The following MARK3 variants were observed in gnomAD, a reference collection of about 807,000 sequenced individuals.
MARK3 encodes microtubule affinity regulating kinase 3, also known as MAP/microtubule affinity-regulating kinase 3.
MARK3 carries 46 observed loss-of-function variants against 90.1 expected under a neutral mutation model. That is an observed-to-expected ratio of 0.51 (90% CI 0.40 to 0.65). The LOEUF (loss-of-function observed/expected upper bound fraction) is 0.65. Among genes scored for constraint, MARK3 ranks in the 30% least tolerant of loss-of-function variants. The pLI, the probability that MARK3 is intolerant of heterozygous loss-of-function variation, is 0.00. For synonymous variants in MARK3, 321 were observed against 332.6 expected, an observed-to-expected ratio of 0.97 and a Z score of 0.38; for missense variants, 818 against 947.2, an observed-to-expected ratio of 0.86 and a Z score of 1.79.
chr14:103,398,993 A>T (rs1288491546), intron 1 of MARK3, among the ~76,000 whole-genome samples: 1 of 152,168 alleles, frequency 6.6e-6, no homozygotes, highest in Admixed American at 6.6e-5. Context: ...ACATAGTGTA[A>T]AGTTGTTGCT....
chr14:103,438,151 C>T (rs1005818394), intron 3 of MARK3, among the ~76,000 whole-genome samples: 1 of 152,138 alleles, frequency 6.6e-6, no homozygotes, highest in African/African-American at 2.4e-5. Flanking sequence ...CAGGCACCCG[C>T]CACCACGCCC....
chr14:103,474,183 C>T (rs1190478842), intron 12 of MARK3, among the ~76,000 whole-genome samples: 2 of 152,100 alleles, frequency 1.3e-5, no homozygotes, highest in Non-Finnish European at 2.9e-5. Context: ...CCAGCCTGGG[C>T]GAGAGAGCTA....
chr14:103,450,925 T>G (rs1166060856), intron 4 of MARK3, among the ~76,000 whole-genome samples: 3 of 13,004 alleles, frequency 2.3e-4, no homozygotes, highest in African/African-American at 2.2e-3. Context: ...TGTATTCTTT[T>G]TTTTTTTTTT....
chr14:103,405,337 GAAT>G, intron 2 of MARK3, 70 bp downstream of exon 2: 1 of 1,248,282 alleles, frequency 8.0e-7, no homozygotes, highest in Non-Finnish European at 1.1e-6. Flanking sequence ...AGAAAGAAAA[GAAT>G]ATAGATATAG....
At chr14:103,422,979 G>A (rs1229622761) in intron 2 of MARK3, among the ~76,000 whole-genome samples, 1 of 152,132 alleles carries the variant, frequency 6.6e-6, no homozygotes, top group Non-Finnish European at 1.5e-5. Flanking sequence ...GATAGGGTTA[G>A]TGTTATTACA....
In MARK3 at chr14:103,475,178, C is replaced by T. The variant is rs1322995604; in HGVS notation, c.1450C>T (p.Pro484Ser). Reference sequence around the variant, plus strand: ...AAGTAATCCTAATAAGGCGGATATTCCTGAACGCAAGAAAAGCTCCACTGT... The same window carrying T: ...AAGTAATCCTAATAAGGCGGATATTTCTGAACGCAAGAAAAGCTCCACTGT... ...NASNPNKADI[P>S]ERKKSSTVPS... The change falls in exon 13 of 18, where the codon CCT becomes TCT. Residue 484 changes from proline to serine, a missense_variant. Coordinates refer to ENST00000429436, the MANE Select transcript of MARK3 (RefSeq NM_001128918.3). 18 of 1,613,594 alleles carry T rather than the reference C, an allele frequency of 1.1e-5. No homozygotes were observed. The highest frequency in any genetic ancestry group is 1.3e-5 in the African/African-American group (1 of 74,890).
In MARK3 at chr14:103,401,155, A is replaced by G. The variant is rs553274821; in HGVS notation, c.52-3921A>G. 7.0e-4 allele frequency among the ~76,000 whole-genome samples: 106 copies of G among 152,216 alleles called. 1 individual carries two copies. Among genetic ancestry groups the G allele is most frequent in the Admixed American group, 2.9e-3 (44 of 15,268 alleles). On this transcript the variant is annotated intron_variant, in intron 1 of 17. Coordinates refer to ENST00000429436, the MANE Select transcript of MARK3 (RefSeq NM_001128918.3). ...GTCGGTGATGGATTCTTGGGAAAAT[A>G]AAATGAAGGGCAAATGGAAGCAAAA...
chr14:103,498,173 C>A (rs1013647497), intron 15 of MARK3, among the ~76,000 whole-genome samples: 1 of 150,940 alleles, frequency 6.6e-6, no homozygotes, highest in Non-Finnish European at 1.5e-5. Flanking sequence ...GCTGAGATTG[C>A]ACCACTGCAC....
chr14:103,404,115 A>G (rs1006009229), intron 1 of MARK3, among the ~76,000 whole-genome samples: 6 of 152,352 alleles, frequency 3.9e-5, no homozygotes, highest in Middle Eastern at 3.4e-3. Flanking sequence ...TTTAAAGCTT[A>G]CTTTCACTTT....
intron 13 of MARK3, among the ~76,000 whole-genome samples, chr14:103,478,348 C>G (rs1270907635): frequency 6.6e-6 from 1 of 151,172 alleles, no homozygotes; most frequent in East Asian, 1.9e-4. Flanking sequence ...CTTTCCATTC[C>G]TCCTCTCCCC....
Position 103,502,922 on chromosome 14 carries a change from GC to G in MARK3, c.1958del (p.Ala653GlufsTer12), listed in dbSNP as rs1442361952. The G allele has an allele frequency of 6.2e-7, 1 of 1,613,604 alleles. No individual in the cohort carries two copies. Among genetic ancestry groups the G allele is most frequent in the Non-Finnish European group, 8.5e-7 (1 of 1,179,628 alleles). On this transcript the variant is annotated frameshift_variant, in exon 18 of 18. Coordinates refer to ENST00000429436, the MANE Select transcript of MARK3 (RefSeq NM_001128918.3). LOFTEE classifies it high-confidence loss of function. The part of the protein sequence containing the change: ...SAEQKDENKE[A>X]KPRSLRFTWS... ...TGAGCAAAAAGATGAAAACAAAGAA[GC>G]AAAGCCTCGATCCCTACGCTTCACC...
chr14:103,401,260 G>T, intron 1 of MARK3, among the ~76,000 whole-genome samples: 1 of 152,126 alleles, frequency 6.6e-6, no homozygotes, highest in East Asian at 1.9e-4. Context: ...ACTTCGTCAA[G>T]AAACATCGAA....
intron 3 of MARK3, among the ~76,000 whole-genome samples, chr14:103,434,381 G>A (rs2092666053): frequency 6.6e-6 from 1 of 152,214 alleles, no homozygotes; most frequent in Non-Finnish European, 1.5e-5. Flanking sequence ...AAAGCAGGGA[G>A]TGCAAGTTAC....
chr14:103,468,077 T>G lies in MARK3; in HGVS notation c.1155T>G (p.Ala385=). The part of the protein sequence containing the change: ...DSSSSSNLSL[A]KVRPSSDLNN... ...GTTCTAGCAGCAATCTTTCACTTGCTAAGGTTAGGCCGAGCAGTGATCTCA... is the reference window on the plus strand; with the variant it reads ...GTTCTAGCAGCAATCTTTCACTTGCGAAGGTTAGGCCGAGCAGTGATCTCA... The change falls in exon 12 of 18, where the codon GCT becomes GCG. Residue 385 remains alanine, a synonymous_variant. Coordinates refer to ENST00000429436, the MANE Select transcript of MARK3 (RefSeq NM_001128918.3). The G allele has an allele frequency of 1.2e-6, 2 of 1,614,052 alleles. No individual in the cohort carries two copies.
Position 103,407,076 on chromosome 14 carries a change from T to TGCCTCA in MARK3, c.243+1815_243+1820dup, listed in dbSNP as rs2091345021. Among the ~76,000 whole-genome samples, 4 of 152,174 alleles carry TGCCTCA rather than the reference T, an allele frequency of 2.6e-5. No homozygotes were observed. The South Asian group carries it at 8.3e-4, about 32-fold the overall frequency. On this transcript the variant is annotated intron_variant, in intron 2 of 17. Coordinates refer to ENST00000429436, the MANE Select transcript of MARK3 (RefSeq NM_001128918.3). The stretch of plus-strand genomic sequence containing the variant: ...TCTCGATCTCATCTCGTGATCCGCC[T>TGCCTCA]GCCTCAGCCTCCCACAGTGCTGGGA...
At chr14:103,402,816 A>G (rs2091042742) in intron 1 of MARK3, among the ~76,000 whole-genome samples, 1 of 152,096 alleles carries the variant, frequency 6.6e-6, no homozygotes, top group African/African-American at 2.4e-5. Context: ...GAAGTGTTAC[A>G]TATTTTGAAA....
intron 14 of MARK3, among the ~76,000 whole-genome samples, chr14:103,484,079 C>T (rs1460493142): frequency 6.6e-6 from 1 of 152,106 alleles, no homozygotes; most frequent in Non-Finnish European, 1.5e-5. Context: ...TTTAGATACC[C>T]GGACGACACT....
intron 3 of MARK3, among the ~76,000 whole-genome samples, chr14:103,448,440 G>A (rs2093049256): frequency 6.6e-6 from 1 of 152,154 alleles, no homozygotes; most frequent in African/African-American, 2.4e-5. Flanking sequence ...ATATTCTCCA[G>A]TGAGGATTTC....
chr14:103,412,723 C>G, intron 2 of MARK3: 2 of 578,506 alleles, frequency 3.5e-6, no homozygotes, highest in Non-Finnish European at 6.5e-6. Flanking sequence ...CTTCCTGCAC[C>G]GCCTCATCCA....
Sources: gnomAD v4.1 joint callset for allele counts (sites outside exome capture counted in the v4.1 genomes callset) on GRCh38, gnomAD v4.1.1 for gene constraint, MANE v1.5 for transcripts, NCBI Gene and HGNC (gene_info 2026-07-23, HGNC 2026-07-21) for gene names.